NUP210L: variants seen among roughly 807,000 people sequenced by gnomAD.
The protein encoded by NUP210L is nucleoporin 210 like.
A neutral mutation model predicts 208.5 loss-of-function variants in NUP210L; 74 were observed. That is an observed-to-expected ratio of 0.35 (90% CI 0.29 to 0.43). The LOEUF (loss-of-function observed/expected upper bound fraction) is 0.43. Among genes scored for constraint, NUP210L ranks in the 20% least tolerant of loss-of-function variants. The probability of loss-of-function intolerance (pLI) is 1.00; values close to 1 mark genes in which losing one functional copy is unlikely to be tolerated. For missense variants in NUP210L, 1,843 were observed against 2,289.4 expected (o/e 0.81, Z 3.98); for synonymous variants, 780 against 816.9 (o/e 0.95, Z 0.77).
intron 33 of NUP210L, among the ~76,000 whole-genome samples, chr1:154,016,926 A>G (rs1651277290): frequency 6.6e-6 from 1 of 152,016 alleles, no homozygotes; most frequent in Admixed American, 6.6e-5. Flanking sequence ...AGATCACACC[A>G]CTGCATTTCA....
At position 154,007,813 on chromosome 1, in the gene NUP210L, A is replaced by T. The variant is rs1327453393; in HGVS notation, c.4930+2159T>A. Among the ~76,000 whole-genome samples the T allele has an allele frequency of 2.7e-5, 4 of 150,594 alleles. No individual in the cohort carries two copies. The South Asian group carries it at 6.3e-4, about 24-fold the overall frequency. ...ATGGTCTCGGTCTCCTGACCTCGTG[A>T]TCCGCCTGCCTCGGCCTCCCAAAGT... is the stretch of plus-strand genomic sequence containing the variant. On this transcript the variant is annotated intron_variant, in intron 35 of 39. Coordinates refer to ENST00000368559, the Ensembl canonical transcript of NUP210L.
intron 27 of NUP210L, among the ~76,000 whole-genome samples, chr1:154,038,019 T>G (rs1652657005): frequency 6.6e-6 from 1 of 152,202 alleles, no homozygotes; most frequent in Admixed American, 6.6e-5. Context: ...GTTTTCTGGT[T>G]GTTTTGTGGT....
chr1:154,044,415 A>G (rs1404730932), intron 27 of NUP210L, among the ~76,000 whole-genome samples: 3 of 151,722 alleles, frequency 2.0e-5, no homozygotes, highest in South Asian at 2.1e-4. Context: ...CTCAAAAAAA[A>G]AAAAAGAAAA....
In NUP210L at chr1:154,051,783, A is replaced by G. The variant is rs573822928; in HGVS notation, c.3483+2445T>C. ...CTCACTTTGTCTGGGCTACAGGCCA[A>G]TCAAGAGAGTCTTCTGCCTCTGTTA... is the stretch of plus-strand genomic sequence containing the variant. On this transcript the variant is annotated intron_variant, in intron 25 of 39. Transcript: ENST00000368559. 2.6e-5 allele frequency among the ~76,000 whole-genome samples: 4 copies of G among 152,368 alleles called. No individual in the cohort carries two copies. In the South Asian group the frequency reaches 8.3e-4, roughly 32 times the overall value.
At chr1:154,107,029 G>C (rs1265942997) in intron 12 of NUP210L, among the ~76,000 whole-genome samples, 2 of 152,178 alleles carry the variant, frequency 1.3e-5, no homozygotes, top group Non-Finnish European at 2.9e-5. Context: ...TAAGGCACCA[G>C]TGACCAATCC....
intron 16 of NUP210L, among the ~76,000 whole-genome samples, chr1:154,087,267 C>T (rs1655673938): frequency 6.9e-6 from 1 of 144,336 alleles, no homozygotes; most frequent in Non-Finnish European, 1.5e-5. Flanking sequence ...TTGCAGTGAG[C>T]TGAGATTGCA....
intron 12 of NUP210L, among the ~76,000 whole-genome samples, chr1:154,117,425 A>G (rs963591078): frequency 2.0e-5 from 3 of 152,136 alleles, no homozygotes; most frequent in Admixed American, 6.6e-5. Context: ...TACTAAAAAT[A>G]CAAAAATTAG....
intron 15 of NUP210L, among the ~76,000 whole-genome samples, chr1:154,093,933 T>C (rs1358286685): frequency 6.6e-6 from 1 of 152,206 alleles, no homozygotes; most frequent in East Asian, 1.9e-4. Flanking sequence ...GGTGGATCAC[T>C]TGATTCCAGC....
At chr1:153,998,761 C>T (rs903210968) in intron 37 of NUP210L, among the ~76,000 whole-genome samples, 2 of 149,054 alleles carry the variant, frequency 1.3e-5, no homozygotes, top group Non-Finnish European at 3.0e-5. Context: ...GTTTTGTCAC[C>T]CAGGCTGGAG....
At chr1:154,149,337 T>C (rs1659273749) in intron 2 of NUP210L, among the ~76,000 whole-genome samples, 1 of 152,078 alleles carries the variant, frequency 6.6e-6, no homozygotes, top group African/African-American at 2.4e-5. Context: ...CCACCCGCCT[T>C]GGCCTCTCAA....
At chr1:154,090,205 C>T (rs1295276984) in intron 15 of NUP210L, among the ~76,000 whole-genome samples, 2 of 150,750 alleles carry the variant, frequency 1.3e-5, no homozygotes, top group Non-Finnish European at 3.0e-5. Flanking sequence ...ATAGTGAGAC[C>T]CTGTCTCAGG....
At chr1:154,119,545 G>C (rs1163119272) in intron 10 of NUP210L, among the ~76,000 whole-genome samples, 1 of 152,020 alleles carries the variant, frequency 6.6e-6, no homozygotes. Flanking sequence ...CTGAGATCAC[G>C]CCACTGCACT....
chr1:154,093,375 C>A (rs1571263982), intron 15 of NUP210L, among the ~76,000 whole-genome samples: 2 of 152,048 alleles, frequency 1.3e-5, no homozygotes, highest in South Asian at 2.1e-4. Context: ...TTATGGTGAG[C>A]CAAGATTGTG....
rs1656389243 is a variant in NUP210L at position 154,100,213 on chromosome 1, GC to G, written c.1820-71del. On this transcript the variant is annotated intron_variant, in intron 13 of 39. Transcript: ENST00000368559. The stretch of plus-strand genomic sequence containing the variant: ...GCTTGTAATCCCAGCACTTTGGGAG[GC>G]CAAGGCAGGAAGATTGCTTGAGCTC... 42 of 1,432,480 alleles carry G rather than the reference GC, an allele frequency of 2.9e-5. No homozygotes were observed. The South Asian group carries it at 5.0e-4, about 17-fold the overall frequency. The allele number at this position is 1,432,480 out of a possible 1,614,324, so 88.7% of individuals were successfully genotyped here. A position where few individuals can be genotyped will look rare whatever the true frequency, so the allele number is the denominator to read the frequency against.
At chr1:154,058,896 T>G (rs769393493) in intron 20 of NUP210L, among the ~76,000 whole-genome samples, 2 of 152,188 alleles carry the variant, frequency 1.3e-5, no homozygotes, top group Non-Finnish European at 2.9e-5. Flanking sequence ...ATCTGTACTT[T>G]AACAAATATA....
intron 25 of NUP210L, among the ~76,000 whole-genome samples, chr1:154,050,053 T>C (rs568244147): frequency 6.6e-5 from 10 of 152,216 alleles, no homozygotes; most frequent in African/African-American, 1.9e-4. Flanking sequence ...TCGAGAAATA[T>C]TACCCCAATA....
intron 12 of NUP210L, among the ~76,000 whole-genome samples, chr1:154,105,381 C>CAGG (rs1656700273): frequency 6.6e-6 from 1 of 151,752 alleles, no homozygotes. Flanking sequence ...TCCCAGCTAT[C>CAGG]AGGAGGCTGA....
At chr1:154,016,531 TA>T in intron 33 of NUP210L, among the ~76,000 whole-genome samples, 1 of 152,086 alleles carries the variant, frequency 6.6e-6, no homozygotes, top group East Asian at 1.9e-4. Flanking sequence ...CCCAATCCAC[TA>T]TTTCTCTCAT....
intron 27 of NUP210L, among the ~76,000 whole-genome samples, chr1:154,039,368 G>A (rs1652734884): frequency 6.6e-6 from 1 of 151,808 alleles, no homozygotes; most frequent in Non-Finnish European, 1.5e-5. Flanking sequence ...TGACTAGCTG[G>A]GATTACAGGT....
Sources: gnomAD v4.1 joint callset for allele counts (sites outside exome capture counted in the v4.1 genomes callset) on GRCh38, gnomAD v4.1.1 for gene constraint, MANE v1.5 for transcripts, NCBI Gene and HGNC (gene_info 2026-07-23, HGNC 2026-07-21) for gene names.